TRPC7: variants seen among roughly 807,000 people sequenced by gnomAD.
TRPC7 encodes the protein short transient receptor potential channel 7.
In TRPC7, 42 loss-of-function variants were observed where a neutral mutation model predicts 90.1. That is an observed-to-expected ratio of 0.47 (90% CI 0.36 to 0.60). TRPC7 has a LOEUF of 0.60. Ranked by LOEUF, TRPC7 falls within the 20% of genes least tolerant of loss-of-function variation. TRPC7 has a pLI of 0.00. For synonymous variants in TRPC7, 451 were observed against 436.3 expected (o/e 1.03, Z -0.42); for missense variants, 955 against 1,112.3 (o/e 0.86, Z 2.01).
chr5:136,251,614 C>T (rs1185615705), intron 6 of TRPC7, 35 bp downstream of exon 6: 2 of 1,535,370 alleles, frequency 1.3e-6, no homozygotes, highest in Non-Finnish European at 1.8e-6. Context: ...CCCGGAAGCG[C>T]CAAAATGGAG....
intron 5 of TRPC7, among the ~76,000 whole-genome samples, chr5:136,256,646 T>C (rs1237372655): frequency 6.6e-6 from 1 of 152,182 alleles, no homozygotes; most frequent in African/African-American, 2.4e-5. Flanking sequence ...CTTGCTCTTT[T>C]AGTCTTCAAC....
At chr5:136,359,455 A>C (rs1371162724) in intron 1 of TRPC7, among the ~76,000 whole-genome samples, 1 of 151,320 alleles carries the variant, frequency 6.6e-6, no homozygotes, top group South Asian at 2.1e-4. Flanking sequence ...TTTAAAGTGC[A>C]CTTTGATAAA....
chr5:136,364,135 C>T (rs1018757480), intron 1 of TRPC7, among the ~76,000 whole-genome samples: 16 of 152,126 alleles, frequency 1.1e-4, no homozygotes, highest in Admixed American at 1.0e-3. Flanking sequence ...TGTTGATTGC[C>T]TTTACTAAGC....
At chr5:136,234,014 T>TA (rs1580846026) in intron 7 of TRPC7, among the ~76,000 whole-genome samples, 1 of 152,362 alleles carries the variant, frequency 6.6e-6, no homozygotes. Context: ...GGCTTTGCCT[T>TA]AGTTTCTCCT....
At chr5:136,215,962 A>G (rs1016375197) in intron 11 of TRPC7, among the ~76,000 whole-genome samples, 12 of 152,134 alleles carry the variant, frequency 7.9e-5, no homozygotes, top group African/African-American at 2.9e-4. Context: ...GGCTGTATGC[A>G]CAGACCAAGT....
chr5:136,324,339 T>C (rs182388318), intron 2 of TRPC7, among the ~76,000 whole-genome samples: 6 of 152,280 alleles, frequency 3.9e-5, no homozygotes, highest in Admixed American at 2.0e-4. Context: ...GATTGATAAG[T>C]TTTTCTTTCT....
chr5:136,290,278 C>T (rs565951972), intron 3 of TRPC7, among the ~76,000 whole-genome samples: 8 of 152,298 alleles, frequency 5.3e-5, no homozygotes, highest in African/African-American at 1.7e-4. Context: ...AGCAGCAGAA[C>T]AAAGCTGGAT....
chr5:136,298,173 A>C (rs1758248223), intron 3 of TRPC7, among the ~76,000 whole-genome samples: 1 of 152,204 alleles, frequency 6.6e-6, no homozygotes, highest in African/African-American at 2.4e-5. Context: ...TGGTGACCAC[A>C]TTCAGATCGG....
rs541955811 is a variant in TRPC7 at position 136,226,416 on chromosome 5, T to C, written c.2041-161A>G. 2.6e-5 allele frequency: 16 copies of C among 620,488 alleles called. No individual in the cohort carries two copies. The South Asian group carries it at 2.8e-4, about 11-fold the overall frequency. 38.4% of individuals were successfully genotyped at this position (620,488 alleles called of 1,614,324 possible). ...GATGGCACAGAGAAGGGGAGTTTGC[T>C]CTCACTAAAACCATGCACAATGGTC... is the stretch of plus-strand genomic sequence containing the variant. On this transcript the variant is annotated intron_variant, in intron 8 of 11. Transcript: ENST00000513104.
chr5:136,335,777 G>A (rs868494602), intron 2 of TRPC7, among the ~76,000 whole-genome samples: 24 of 151,524 alleles, frequency 1.6e-4, no homozygotes, highest in Admixed American at 7.2e-4. Flanking sequence ...GGTGGCGGGC[G>A]CCTGTAGTCC....
At chr5:136,311,764 G>A (rs1008703023) in intron 3 of TRPC7, among the ~76,000 whole-genome samples, 3 of 152,194 alleles carry the variant, frequency 2.0e-5, no homozygotes, top group Non-Finnish European at 4.4e-5. Context: ...ATGGGGAAGA[G>A]TCGTATCCCT....
intron 3 of TRPC7, among the ~76,000 whole-genome samples, chr5:136,306,836 C>T (rs1374798597): frequency 2.6e-5 from 4 of 152,092 alleles, no homozygotes; most frequent in East Asian, 1.9e-4. Context: ...TTGTGAGATC[C>T]ACCCCTGCCC....
chr5:136,331,917 T>C (rs535572667), intron 2 of TRPC7, among the ~76,000 whole-genome samples: 7 of 152,200 alleles, frequency 4.6e-5, no homozygotes, highest in Admixed American at 2.6e-4. Flanking sequence ...GTCCCTACTC[T>C]CATGGAGCTT....
intron 2 of TRPC7, among the ~76,000 whole-genome samples, chr5:136,337,911 G>C (rs184168634): frequency 6.6e-6 from 1 of 152,274 alleles, no homozygotes; most frequent in African/African-American, 2.4e-5. Flanking sequence ...AACAGGCAAA[G>C]ACCTAATCCC....
At chr5:136,306,516 G>T (rs532648421) in intron 3 of TRPC7, among the ~76,000 whole-genome samples, 5 of 152,046 alleles carry the variant, frequency 3.3e-5, no homozygotes, top group African/African-American at 1.2e-4. Flanking sequence ...GCCACCCCAA[G>T]ACTTCAACAC....
intron 2 of TRPC7, among the ~76,000 whole-genome samples, chr5:136,318,553 G>A (rs1759098749): frequency 6.6e-6 from 1 of 152,118 alleles, no homozygotes; most frequent in Admixed American, 6.6e-5. Context: ...CAACATGACT[G>A]CATTGTTATT....
intron 3 of TRPC7, among the ~76,000 whole-genome samples, chr5:136,306,464 A>T (rs938116313): frequency 1.3e-5 from 2 of 152,042 alleles, no homozygotes; most frequent in African/African-American, 4.8e-5. Context: ...GCCCTGAGAA[A>T]CATCGCCCAT....
At chr5:136,236,140 C>T (rs976218116) in intron 7 of TRPC7, among the ~76,000 whole-genome samples, 24 of 152,306 alleles carry the variant, frequency 1.6e-4, no homozygotes, top group African/African-American at 4.8e-4. Context: ...CCGTACCAGG[C>T]GATGAGGATA....
At chr5:136,339,178 A>G (rs1034928404) in intron 2 of TRPC7, among the ~76,000 whole-genome samples, 7 of 152,242 alleles carry the variant, frequency 4.6e-5, no homozygotes, top group African/African-American at 1.7e-4. Context: ...CTAACCTCAC[A>G]GGCTGGCTGT....
Sources: allele counts gnomAD v4.1 joint callset (sites outside exome capture counted in the v4.1 genomes callset), GRCh38; gene constraint gnomAD v4.1.1; transcripts MANE v1.5; gene names NCBI Gene and HGNC (gene_info 2026-07-23, HGNC 2026-07-21).